Variants in KCNT2 observed in about 807,000 individuals in gnomAD.
KCNT2 encodes the protein potassium channel subfamily T member 2.
Under a neutral mutation model 153.8 loss-of-function variants are expected in KCNT2, and 67 were observed. That is an observed-to-expected ratio of 0.44 (90% CI 0.36 to 0.53). The LOEUF (loss-of-function observed/expected upper bound fraction) is 0.53. KCNT2 is among the 20% of genes least tolerant of loss of function. KCNT2 has a pLI of 0.00. For synonymous variants in KCNT2, 500 were observed against 458.8 expected (o/e 1.09, Z -1.15); for missense variants, 975 against 1,354.8 (o/e 0.72, Z 4.40).
intron 1 of KCNT2, among the ~76,000 whole-genome samples, chr1:196,534,131 T>C (rs1655266611): frequency 6.6e-6 from 1 of 152,130 alleles, no homozygotes; most frequent in Non-Finnish European, 1.5e-5. Context: ...CTTTTTTACC[T>C]AAGATATATT....
intron 13 of KCNT2, among the ~76,000 whole-genome samples, chr1:196,379,862 C>T (rs943256383): frequency 1.3e-5 from 2 of 151,954 alleles, no homozygotes; most frequent in African/African-American, 4.8e-5. Context: ...TAGTGTTTAC[C>T]TCATAGAATT....
chr1:196,418,967 C>A (rs1358102682), intron 12 of KCNT2, among the ~76,000 whole-genome samples: 1 of 151,984 alleles, frequency 6.6e-6, no homozygotes. Flanking sequence ...AATGGTCTGA[C>A]TGCTGGCACT....
At chr1:196,391,806 G>A (rs914437767) in intron 13 of KCNT2, among the ~76,000 whole-genome samples, 1 of 150,706 alleles carries the variant, frequency 6.6e-6, no homozygotes, top group Non-Finnish European at 1.5e-5. Context: ...GGATGTAGAG[G>A]GTATATAGAA....
intron 1 of KCNT2, among the ~76,000 whole-genome samples, chr1:196,519,364 C>T (rs1653039430): frequency 1.3e-5 from 2 of 151,918 alleles, no homozygotes; most frequent in South Asian, 4.1e-4. Flanking sequence ...AAATTAACAC[C>T]TTAACATCAC....
Position 196,341,942 on chromosome 1 carries a change from C to T in KCNT2, c.1553+137G>A, listed in dbSNP as rs911299493. On this transcript the variant is annotated intron_variant, in intron 15 of 27. Transcript: ENST00000294725. Reference sequence around the variant, plus strand: ...AGACACCAGGGTTCAAATGTTTCAACATTGGGGAATATTGTGACAAAAATT... The same window carrying T: ...AGACACCAGGGTTCAAATGTTTCAATATTGGGGAATATTGTGACAAAAATT... The T allele has an allele frequency of 4.9e-5, 36 of 741,872 alleles. No individual in the cohort carries two copies. The South Asian group carries it at 4.9e-4, about 10-fold the overall frequency. 46.0% of individuals were successfully genotyped at this position (741,872 alleles called of 1,614,324 possible).
At chr1:196,253,062 G>A (rs1028342507) in intron 26 of KCNT2, among the ~76,000 whole-genome samples, 2 of 150,692 alleles carry the variant, frequency 1.3e-5, no homozygotes, top group South Asian at 4.2e-4. Context: ...TATTTATATT[G>A]CTTGGGTTTC....
chr1:196,556,739 C>T (rs556385835), intron 1 of KCNT2, among the ~76,000 whole-genome samples: 88 of 151,378 alleles, frequency 5.8e-4, no homozygotes, highest in African/African-American at 2.1e-3. Flanking sequence ...AAGTGTCCGT[C>T]GACAGGTGAA....
At chr1:196,244,846 C>T (rs1282307505) in intron 26 of KCNT2, among the ~76,000 whole-genome samples, 2 of 152,086 alleles carry the variant, frequency 1.3e-5, no homozygotes, top group African/African-American at 4.8e-5. Context: ...CTAGGGCTTT[C>T]AGCTAGCATA....
chr1:196,508,925 G>C (rs944169039), intron 1 of KCNT2, among the ~76,000 whole-genome samples: 1 of 152,126 alleles, frequency 6.6e-6, no homozygotes, highest in African/African-American at 2.4e-5. Flanking sequence ...TCCATGCCTA[G>C]ATAAATGCAT....
chr1:196,330,135 C>A (rs1212585949), intron 18 of KCNT2, among the ~76,000 whole-genome samples: 2 of 150,298 alleles, frequency 1.3e-5, no homozygotes, highest in African/African-American at 4.9e-5. Context: ...ATTCTCAAAG[C>A]AACTTCAGGG....
At chr1:196,363,948 T>A (rs1282242161) in intron 14 of KCNT2, among the ~76,000 whole-genome samples, 1 of 152,168 alleles carries the variant, frequency 6.6e-6, no homozygotes, top group African/African-American at 2.4e-5. Flanking sequence ...TCTTTTTTGT[T>A]TATATACATT....
chr1:196,262,593 T>A (rs1476750422), intron 25 of KCNT2, among the ~76,000 whole-genome samples: 1 of 152,018 alleles, frequency 6.6e-6, no homozygotes, highest in Non-Finnish European at 1.5e-5. Flanking sequence ...GGCTTATATA[T>A]TTCAGTGACT....
chr1:196,349,146 G>A (rs931492123), intron 14 of KCNT2, among the ~76,000 whole-genome samples: 19 of 152,020 alleles, frequency 1.2e-4, no homozygotes, highest in African/African-American at 4.3e-4. Flanking sequence ...ATGTCTTAAT[G>A]GAAAAAAATT....
chr1:196,264,463 C>G (rs1657334775), intron 25 of KCNT2, among the ~76,000 whole-genome samples: 1 of 152,050 alleles, frequency 6.6e-6, no homozygotes, highest in African/African-American at 2.4e-5. Context: ...TTTACCATAT[C>G]TCATCATAAA....
intron 11 of KCNT2, among the ~76,000 whole-genome samples, chr1:196,424,070 G>C (rs1206467058): frequency 6.6e-6 from 1 of 151,724 alleles, no homozygotes; most frequent in Non-Finnish European, 1.5e-5. Flanking sequence ...TTTTTAAATA[G>C]CTTTTAGAGT....
chr1:196,361,543 T>C (rs1207583706), intron 14 of KCNT2, among the ~76,000 whole-genome samples: 1 of 152,018 alleles, frequency 6.6e-6, no homozygotes, highest in African/African-American at 2.4e-5. Flanking sequence ...ACATTAGCTG[T>C]TGTCAGCAGC....
At chr1:196,533,357 T>C (rs1655179238) in intron 1 of KCNT2, among the ~76,000 whole-genome samples, 1 of 152,100 alleles carries the variant, frequency 6.6e-6, no homozygotes, top group Non-Finnish European at 1.5e-5. Flanking sequence ...AGATCCTTTT[T>C]CTTATTTCTC....
chr1:196,385,386 G>T (rs988474771), intron 13 of KCNT2, among the ~76,000 whole-genome samples: 2 of 152,020 alleles, frequency 1.3e-5, no homozygotes, highest in African/African-American at 2.4e-5. Context: ...CATAGAAAAA[G>T]GTACAGTGAA....
chr1:196,539,477 T>A (rs746992665), intron 1 of KCNT2, among the ~76,000 whole-genome samples: 5 of 152,190 alleles, frequency 3.3e-5, no homozygotes, highest in Admixed American at 6.5e-5. Flanking sequence ...TGCACAATTT[T>A]AAAAATAAGC....
Sources: gnomAD v4.1 joint callset for allele counts (sites outside exome capture counted in the v4.1 genomes callset) on GRCh38, gnomAD v4.1.1 for gene constraint, MANE v1.5 for transcripts, NCBI Gene and HGNC (gene_info 2026-07-23, HGNC 2026-07-21) for gene names.